Variants in LEKR1 observed in about 807,000 individuals in gnomAD.
The protein encoded by LEKR1 is leucine, glutamate and lysine rich 1.
A neutral mutation model predicts 72.4 loss-of-function variants in LEKR1; 59 were observed. That is an observed-to-expected ratio of 0.82 (90% confidence interval 0.66 to 1.01). LEKR1 has a LOEUF of 1.01. Among genes scored for constraint, LEKR1 ranks in the 50% least tolerant of loss-of-function variants. The pLI is 0.00. For missense variants in LEKR1, 728 were observed against 759.2 expected (o/e 0.96, Z 0.48); for synonymous variants, 257 against 263.2 (o/e 0.98, Z 0.23).
intron 3 of LEKR1, among the ~76,000 whole-genome samples, chr3:156,900,550 T>TAA (rs11458111): frequency 8.6e-5 from 13 of 151,508 alleles, no homozygotes; most frequent in African/African-American, 2.9e-4. Flanking sequence ...TTTGATGATC[T>TAA]AAAAAAAAAT....
At chr3:156,989,821 G>GCA (rs1731004907) in intron 7 of LEKR1, among the ~76,000 whole-genome samples, 2 of 149,840 alleles carry the variant, frequency 1.3e-5, no homozygotes, top group Admixed American at 6.7e-5. Context: ...CTCTCTCTCT[G>GCA]CACACACACA....
intron 4 of LEKR1, chr3:156,924,739 G>A (rs1724545059): frequency 2.5e-6 from 1 of 396,132 alleles, no homozygotes; most frequent in Non-Finnish European, 4.5e-6. Flanking sequence ...CAGCATCTTT[G>A]CCTAAAATAA....
At chr3:156,939,928 A>G (rs895367833) in intron 5 of LEKR1, among the ~76,000 whole-genome samples, 2 of 152,174 alleles carry the variant, frequency 1.3e-5, no homozygotes, top group Non-Finnish European at 2.9e-5. Context: ...TTATGAAATT[A>G]GGGATAGAAT....
chr3:156,855,536 G>A (rs1715958971), intron 3 of LEKR1, among the ~76,000 whole-genome samples: 1 of 152,004 alleles, frequency 6.6e-6, no homozygotes, highest in African/African-American at 2.4e-5. Context: ...GTTTATATAT[G>A]TTGTTAATAT....
intron 3 of LEKR1, among the ~76,000 whole-genome samples, chr3:156,878,474 C>A (rs1282952148): frequency 6.6e-6 from 1 of 152,146 alleles, no homozygotes; most frequent in Non-Finnish European, 1.5e-5. Flanking sequence ...TTTTATTCCA[C>A]TGTGGCCTGA....
chr3:157,028,406 G>A lies in LEKR1; in HGVS notation c.1668+4G>A. On this transcript the variant is annotated splice_donor_region_variant and intron_variant, in intron 12 of 12. Transcript: ENST00000356539. ...ATTTAACCAGTCCCAGGAAGAGGTA[G>A]GAAGCAGATAGTGGTAACTTTGCAA... 1 of 1,573,596 alleles carries A rather than the reference G, an allele frequency of 6.4e-7. No homozygotes were observed. The highest frequency in any genetic ancestry group is 8.6e-7 in the Non-Finnish European group (1 of 1,161,188).
At chr3:156,994,194 CT>C (rs921228505) in intron 9 of LEKR1, among the ~76,000 whole-genome samples, 2 of 151,840 alleles carry the variant, frequency 1.3e-5, no homozygotes, top group African/African-American at 4.8e-5. Context: ...GAGTTACAAT[CT>C]TTTTTTTCTT....
intron 9 of LEKR1, among the ~76,000 whole-genome samples, chr3:156,999,491 G>A (rs1731847607): frequency 6.6e-6 from 1 of 151,936 alleles, no homozygotes; most frequent in African/African-American, 2.4e-5. Context: ...CCCTCTAAGT[G>A]CTTCTGTAGA....
intron 6 of LEKR1, among the ~76,000 whole-genome samples, chr3:156,971,314 C>T (rs1729163796): frequency 6.6e-6 from 1 of 152,108 alleles, no homozygotes; most frequent in South Asian, 2.1e-4. Flanking sequence ...TGGATCCCTT[C>T]CTTACACCTT....
intron 6 of LEKR1, among the ~76,000 whole-genome samples, chr3:156,966,219 G>A (rs1482381994): frequency 1.3e-5 from 2 of 152,158 alleles, no homozygotes; most frequent in African/African-American, 4.8e-5. Context: ...GAAGACGGGT[G>A]ATTTCTGCAT....
chr3:156,924,100 A>G (rs2108574130), intron 4 of LEKR1, among the ~76,000 whole-genome samples: 1 of 152,268 alleles, frequency 6.6e-6, no homozygotes, highest in Non-Finnish European at 1.5e-5. Context: ...CACACCATGA[A>G]TGAGGATTCT....
chr3:156,884,100 C>G (rs1427349341), intron 3 of LEKR1, among the ~76,000 whole-genome samples: 4 of 152,174 alleles, frequency 2.6e-5, no homozygotes, highest in Admixed American at 2.6e-4. Context: ...TTCCTGCTCA[C>G]TTTTAGTTTC....
intron 9 of LEKR1, among the ~76,000 whole-genome samples, chr3:157,008,355 A>T (rs1437177938): frequency 1.3e-5 from 2 of 152,154 alleles, no homozygotes; most frequent in Non-Finnish European, 2.9e-5. Flanking sequence ...TTTCTTCCAC[A>T]TACACATTCT....
rs116741617 is a variant in LEKR1 at position 156,830,858 on chromosome 3, A to G, written c.48+1481A>G. Reference sequence around the variant, plus strand: ...GGCATAAAAAAGAAAAAGTCAAGATAACAGGGGAAACATCTTTTGCTGACC... The same window carrying G: ...GGCATAAAAAAGAAAAAGTCAAGATGACAGGGGAAACATCTTTTGCTGACC... On this transcript the variant is annotated intron_variant, in intron 2 of 12. Transcript: ENST00000356539. Among the ~76,000 whole-genome samples, 1,464 of 152,338 alleles carry G rather than the reference A, an allele frequency of 9.6e-3. 21 individuals carry two copies. Among genetic ancestry groups the G allele is most frequent in the African/African-American group, 0.034 (1,395 of 41,578 alleles).
In LEKR1 at chr3:156,914,104, T is replaced by C. The variant is rs1034764669; in HGVS notation, c.264-6471T>C. Among the ~76,000 whole-genome samples, 4 of 152,310 alleles carry C rather than the reference T, an allele frequency of 2.6e-5. No individual in the cohort carries two copies. In the East Asian group the frequency reaches 7.7e-4, roughly 29 times the overall value. On this transcript the variant is annotated intron_variant, in intron 3 of 12. Coordinates refer to ENST00000356539, the MANE Select transcript of LEKR1 (RefSeq NM_001004316.3). ...CATTCCAAAATTAGCAACAGTTCCT[T>C]GGTATTCTCTAATTCCCAGTCCATA...
chr3:157,027,951 A>G (rs1346988679), intron 11 of LEKR1, 152 bp from the exon 12 acceptor site: 1 of 481,472 alleles, frequency 2.1e-6, no homozygotes, highest in Non-Finnish European at 3.7e-6. Context: ...TCTTTTAAAA[A>G]GAAAATCTTG....
At chr3:156,917,769 A>G (rs1398058700) in intron 3 of LEKR1, among the ~76,000 whole-genome samples, 1 of 152,128 alleles carries the variant, frequency 6.6e-6, no homozygotes, top group Non-Finnish European at 1.5e-5. Flanking sequence ...ACCAAGAAGG[A>G]ATAAAACTTT....
At chr3:156,897,847 G>A (rs113437240) in intron 3 of LEKR1, among the ~76,000 whole-genome samples, 4,837 of 152,106 alleles carry the variant, frequency 0.032, 117 homozygotes, top group Non-Finnish European at 0.047. Flanking sequence ...CAGTTACTCG[G>A]GAGGCTAAGG....
At position 156,905,215 on chromosome 3, in the gene LEKR1, T is replaced by C. The variant is rs78658822; in HGVS notation, c.264-15360T>C. On this transcript the variant is annotated intron_variant, in intron 3 of 12. Transcript: ENST00000356539. Reference sequence around the variant, plus strand: ...TAAATATTTCTGATCCTTAACTCAATAGGGCAAGCACCCTTAAGAAGGAGT... The same window carrying C: ...TAAATATTTCTGATCCTTAACTCAACAGGGCAAGCACCCTTAAGAAGGAGT... Among the ~76,000 whole-genome samples the C allele has an allele frequency of 2.7e-4, 41 of 152,282 alleles. No individual in the cohort carries two copies. The East Asian group carries it at 5.6e-3, about 21-fold the overall frequency.
Sources: allele counts gnomAD v4.1 joint callset (sites outside exome capture counted in the v4.1 genomes callset), GRCh38; gene constraint gnomAD v4.1.1; transcripts MANE v1.5; gene names NCBI Gene and HGNC (gene_info 2026-07-23, HGNC 2026-07-21).